The following GMDS variants were observed in gnomAD, a reference collection of about 807,000 sequenced individuals.
The protein encoded by GMDS is GDP-mannose 4,6-dehydratase, also known as GDP-mannose 4,6 dehydratase.
Under a neutral mutation model 49.9 loss-of-function variants are expected in GMDS, and 20 were observed. That is an observed-to-expected ratio of 0.40 (90% CI 0.28 to 0.58). The LOEUF (loss-of-function observed/expected upper bound fraction) is 0.58, where lower values mean the gene tolerates loss of function less well. GMDS is among the 20% of genes least tolerant of loss of function. The pLI, the probability that GMDS is intolerant of heterozygous loss-of-function variation, is 0.42. For synonymous variants in GMDS, 177 were observed against 178.6 expected, an observed-to-expected ratio of 0.99 and a Z score of 0.07; for missense variants, 362 against 481.4, an observed-to-expected ratio of 0.75 and a Z score of 2.32.
chr6:2,046,549 T>A (rs945269372), intron 4 of GMDS, among the ~76,000 whole-genome samples: 3 of 152,104 alleles, frequency 2.0e-5, no homozygotes, highest in Admixed American at 6.5e-5. Flanking sequence ...AACCTTCACG[T>A]CTCAGGCTCA....
intron 7 of GMDS, among the ~76,000 whole-genome samples, chr6:1,917,221 T>A (rs1297961969): frequency 2.0e-5 from 3 of 151,852 alleles, no homozygotes; most frequent in Non-Finnish European, 4.4e-5. Context: ...TAAAAAAAAA[T>A]GACTTTAAAA....
intron 8 of GMDS, among the ~76,000 whole-genome samples, chr6:1,730,651 C>A (rs959158864): frequency 1.3e-5 from 2 of 152,138 alleles, no homozygotes; most frequent in Non-Finnish European, 2.9e-5. Flanking sequence ...GCCCACCACA[C>A]AGCTCTCTGT....
At chr6:1,722,132 T>C (rs780964608) in intron 9 of GMDS, among the ~76,000 whole-genome samples, 2 of 147,298 alleles carry the variant, frequency 1.4e-5, no homozygotes, top group East Asian at 4.0e-4. Context: ...AGTGGTGTGA[T>C]CTTGGCTCAC....
intron 1 of GMDS, among the ~76,000 whole-genome samples, chr6:2,152,289 A>T (rs941369014): frequency 1.3e-5 from 2 of 152,208 alleles, no homozygotes; most frequent in Admixed American, 6.5e-5. Flanking sequence ...AATAGTATTT[A>T]AAAAACGTAG....
rs1561725470 is a variant in GMDS, at chr6:1,683,367, T to TCCAC, written c.987+43048_987+43049insGTGG. On this transcript the variant is annotated intron_variant, in intron 9 of 10. Transcript: ENST00000380815. ...CTCCATCTCCTGACCTCGTGATTTG[T>TCCAC]CCGCCTCGGCCTCCCAAAGTGCTGG... 2.2e-4 allele frequency among the ~76,000 whole-genome samples: 33 copies of TCCAC among 152,180 alleles called. 1 individual carries two copies. In the East Asian group the frequency reaches 4.3e-3, roughly 20 times the overall value.
chr6:1,857,605 T>C (rs532652131), intron 7 of GMDS, among the ~76,000 whole-genome samples: 4 of 152,222 alleles, frequency 2.6e-5, no homozygotes, highest in East Asian at 1.9e-4. Context: ...TGTTTGTGAG[T>C]TGGAGAATTG....
intron 7 of GMDS, among the ~76,000 whole-genome samples, chr6:1,804,226 G>A (rs1770070327): frequency 6.6e-6 from 1 of 152,220 alleles, no homozygotes; most frequent in African/African-American, 2.4e-5. Context: ...CTCTAAAGAA[G>A]CAAGAACAAT....
chr6:1,960,733 T>C (rs1190490815), intron 5 of GMDS, 41 bp downstream of exon 5: 4 of 1,341,248 alleles, frequency 3.0e-6, no homozygotes, highest in Non-Finnish European at 3.1e-6. Flanking sequence ...CACCCACAGA[T>C]AACGCCACAC....
intron 4 of GMDS, among the ~76,000 whole-genome samples, chr6:2,004,340 G>A (rs1453608724): frequency 6.6e-6 from 1 of 152,056 alleles, no homozygotes; most frequent in Non-Finnish European, 1.5e-5. Context: ...CCATCAAGAC[G>A]CCGCTATTTA....
intron 6 of GMDS, among the ~76,000 whole-genome samples, chr6:1,942,865 G>A (rs573351893): frequency 7.2e-5 from 11 of 152,282 alleles, no homozygotes; most frequent in Admixed American, 2.0e-4. Context: ...CCTGATAGAC[G>A]CACAAGCACA....
intron 1 of GMDS, among the ~76,000 whole-genome samples, chr6:2,226,182 A>G (rs1242988225): frequency 6.6e-6 from 1 of 152,214 alleles, no homozygotes; most frequent in African/African-American, 2.4e-5. Flanking sequence ...GACACTCACC[A>G]ACAATATACT....
intron 4 of GMDS, among the ~76,000 whole-genome samples, chr6:1,966,057 T>C (rs546017052): frequency 1.8e-4 from 27 of 152,280 alleles, no homozygotes; most frequent in African/African-American, 6.5e-4. Context: ...GTTTCCACAC[T>C]ATGACAGCAG....
intron 1 of GMDS, among the ~76,000 whole-genome samples, chr6:2,192,981 G>T (rs185691941): frequency 6.6e-6 from 1 of 152,364 alleles, no homozygotes; most frequent in African/African-American, 2.4e-5. Context: ...AAGTGGCAGA[G>T]AAATGTGCTA....
intron 7 of GMDS, among the ~76,000 whole-genome samples, chr6:1,795,821 A>C (rs1769714031): frequency 6.6e-6 from 1 of 152,222 alleles, no homozygotes; most frequent in Non-Finnish European, 1.5e-5. Context: ...TAATTTTAAA[A>C]TATTCAAGAA....
chr6:1,891,654 T>C (rs758517308), intron 7 of GMDS, among the ~76,000 whole-genome samples: 25 of 152,212 alleles, frequency 1.6e-4, no homozygotes, highest in Non-Finnish European at 3.1e-4. Context: ...GCAGTCATTC[T>C]TAAAATGTGG....
At chr6:1,879,855 T>A (rs995263120) in intron 7 of GMDS, among the ~76,000 whole-genome samples, 1 of 152,074 alleles carries the variant, frequency 6.6e-6, no homozygotes, top group African/African-American at 2.4e-5. Flanking sequence ...CTTTCTAGGA[T>A]GATAACATTT....
chr6:2,201,533 C>A (rs1779532784), intron 1 of GMDS, among the ~76,000 whole-genome samples: 2 of 121,372 alleles, frequency 1.6e-5, no homozygotes, highest in Admixed American at 8.3e-5. Flanking sequence ...GAGAGCACCA[C>A]ATGGGCATCC....
At chr6:2,237,984 G>A (rs1781442481) in intron 1 of GMDS, among the ~76,000 whole-genome samples, 1 of 152,170 alleles carries the variant, frequency 6.6e-6, no homozygotes, top group African/African-American at 2.4e-5. Flanking sequence ...GCTACAGAAA[G>A]TTCTGGGAGA....
intron 2 of GMDS, among the ~76,000 whole-genome samples, chr6:2,123,884 T>G (rs1360263298): frequency 6.6e-6 from 1 of 152,230 alleles, no homozygotes; most frequent in Non-Finnish European, 1.5e-5. Flanking sequence ...CAAATAATGT[T>G]GGCATTTAGA....
Sources: allele counts gnomAD v4.1 joint callset (sites outside exome capture counted in the v4.1 genomes callset), GRCh38; gene constraint gnomAD v4.1.1; transcripts MANE v1.5; gene names NCBI Gene and HGNC (gene_info 2026-07-23, HGNC 2026-07-21).